Variants in GALNT18 observed in about 807,000 individuals in gnomAD.
The protein encoded by GALNT18 is GalNAc-transferase 18.
Under a neutral mutation model 69.5 loss-of-function variants are expected in GALNT18, and 44 were observed. That is an observed-to-expected ratio of 0.63 (90% CI 0.50 to 0.81). The LOEUF is 0.81. GALNT18 is among the 40% of genes least tolerant of loss of function. The pLI, the probability that GALNT18 is intolerant of heterozygous loss-of-function variation, is 0.00. For synonymous variants in GALNT18, 364 were observed against 318.2 expected (o/e 1.14, Z -1.53); for missense variants, 715 against 810.0 (o/e 0.88, Z 1.42).
rs1022454705 is a variant in GALNT18, at chr11:11,320,674, C to T, written c.1512+6412G>A. On this transcript the variant is annotated intron_variant, in intron 9 of 10. Transcript: ENST00000227756. The surrounding 1 kb of genome is among the most constrained non-coding windows in gnomAD (Gnocchi z 4.9). ...GGAAGATGACTTTGGGAAGCCTTGCCAGACAGCAGCCCCTTACCTTTCACT... is the reference window on the plus strand; with the variant it reads ...GGAAGATGACTTTGGGAAGCCTTGCTAGACAGCAGCCCCTTACCTTTCACT... Among the ~76,000 whole-genome samples the T allele has an allele frequency of 2.0e-5, 3 of 152,160 alleles. No individual in the cohort carries two copies. The highest frequency in any genetic ancestry group is 4.4e-5 in the Non-Finnish European group (3 of 68,024).
chr11:11,398,223 T>C (rs1207572614), intron 3 of GALNT18, among the ~76,000 whole-genome samples: 6 of 152,188 alleles, frequency 3.9e-5, no homozygotes, highest in Non-Finnish European at 8.8e-5. Flanking sequence ...CCAAAGCGTG[T>C]TCCTTCTGTG....
chr11:11,529,926 G>C (rs1482085101), intron 1 of GALNT18, among the ~76,000 whole-genome samples: 1 of 152,152 alleles, frequency 6.6e-6, no homozygotes, highest in Non-Finnish European at 1.5e-5. Context: ...AAACATTCCT[G>C]CATCTTTCTG....
intron 1 of GALNT18, among the ~76,000 whole-genome samples, chr11:11,610,669 A>T (rs181270125): frequency 3.0e-4 from 46 of 152,226 alleles, no homozygotes; most frequent in Non-Finnish European, 5.4e-4. Flanking sequence ...CGAGTTGGAC[A>T]TTCTATGTCA....
In GALNT18 at chr11:11,444,132, G is replaced by A. The variant is rs1855593657; in HGVS notation, c.428+4612C>T. On this transcript the variant is annotated intron_variant, in intron 2 of 10. Transcript: ENST00000227756. This position sits in a 1 kb window ranked among gnomAD's most constrained non-coding sequence, Gnocchi z 4.4. ...CTCTCCCCAGGGAAGCCGGCACAGG[G>A]AGGTGCCTTGCAGATGCCACCCTCC... is the stretch of plus-strand genomic sequence containing the variant. 6.6e-6 allele frequency among the ~76,000 whole-genome samples: 1 copy of A among 152,022 alleles called. No individual in the cohort carries two copies. The highest frequency in any genetic ancestry group is 1.5e-5 in the Non-Finnish European group (1 of 68,016).
rs1354374831 is a variant in GALNT18 at position 11,587,785 on chromosome 11, G to A, written c.235+33574C>T. ...GAGGGAAAAGTCAATGGTTGGTAAAGCCCACCCCATCTCTAGCCCCCACCC... is the reference window on the plus strand; with the variant it reads ...GAGGGAAAAGTCAATGGTTGGTAAAACCCACCCCATCTCTAGCCCCCACCC... On this transcript the variant is annotated intron_variant, in intron 1 of 10. Coordinates refer to ENST00000227756, the MANE Select transcript of GALNT18 (RefSeq NM_198516.3). The surrounding 1 kb of genome is among the most constrained non-coding windows in gnomAD (Gnocchi z 4.4). Among the ~76,000 whole-genome samples, 1 of 152,122 alleles carries A rather than the reference G, an allele frequency of 6.6e-6. No homozygotes were observed. Among genetic ancestry groups the A allele is most frequent in the Non-Finnish European group, 1.5e-5 (1 of 68,024 alleles).
At chr11:11,516,026 G>A (rs1230234094) in intron 1 of GALNT18, among the ~76,000 whole-genome samples, 1 of 152,216 alleles carries the variant, frequency 6.6e-6, no homozygotes, top group Admixed American at 6.5e-5. Context: ...TAAACAGCAG[G>A]GAAGCAGTCT....
Position 11,356,153 on chromosome 11 carries a change from C to G in GALNT18, c.1093-15149G>C, listed in dbSNP as rs972913985. On this transcript the variant is annotated intron_variant, in intron 6 of 10. Transcript: ENST00000227756. This position sits in a 1 kb window ranked among gnomAD's most constrained non-coding sequence, Gnocchi z 4.4. ...CCAAGAACATTTGTATTTGGAGATG[C>G]CCCTGACCCCTCCTTCTGCAACTTC... Among the ~76,000 whole-genome samples the G allele has an allele frequency of 3.3e-5, 5 of 152,178 alleles. No individual in the cohort carries two copies. The highest frequency in any genetic ancestry group is 1.2e-4 in the African/African-American group (5 of 41,456).
intron 6 of GALNT18, chr11:11,352,937 A>AT (rs753127120): frequency 1.2e-4 from 188 of 1,613,912 alleles, no homozygotes; most frequent in Non-Finnish European, 1.5e-4. Context: ...CTTTTTCATT[A>AT]TTTGTGATGT....
rs1221515228 is a variant in GALNT18 at position 11,538,619 on chromosome 11, T to A, written c.235+82740A>T. Among the ~76,000 whole-genome samples the A allele has an allele frequency of 1.3e-5, 2 of 152,212 alleles. No homozygotes were observed. Among genetic ancestry groups the A allele is most frequent in the Non-Finnish European group, 2.9e-5 (2 of 68,042 alleles). Reference sequence around the variant, plus strand: ...CTCGTCAGCAGCTCCTATCTGGGGATGAAGCACAGGCTGACCTGATAGTGA... The same window carrying A: ...CTCGTCAGCAGCTCCTATCTGGGGAAGAAGCACAGGCTGACCTGATAGTGA... On this transcript the variant is annotated intron_variant, in intron 1 of 10. Coordinates refer to ENST00000227756, the MANE Select transcript of GALNT18 (RefSeq NM_198516.3). The surrounding 1 kb of genome is among the most constrained non-coding windows in gnomAD (Gnocchi z 5.2).
intron 6 of GALNT18, among the ~76,000 whole-genome samples, chr11:11,362,772 G>T (rs1029380999): frequency 3.9e-5 from 6 of 152,052 alleles, no homozygotes; most frequent in African/African-American, 1.4e-4. Flanking sequence ...CCTCTGGAGG[G>T]ATATTTGATG....
At chr11:11,514,496 C>A (rs1857227424) in intron 1 of GALNT18, among the ~76,000 whole-genome samples, 1 of 152,206 alleles carries the variant, frequency 6.6e-6, no homozygotes, top group Non-Finnish European at 1.5e-5. Context: ...ATAAGAACAG[C>A]TGTTACACAG....
In GALNT18 at chr11:11,582,469, C is replaced by T. The variant is rs1015737050; in HGVS notation, c.235+38890G>A. On this transcript the variant is annotated intron_variant, in intron 1 of 10. Transcript: ENST00000227756. The surrounding 1 kb of genome is among the most constrained non-coding windows in gnomAD (Gnocchi z 5.0). ...GAGTGACTGTCTCACTTGCTTGGAC[C>T]ACTGGAATAGGAGCAGAAGTGATAA... Among the ~76,000 whole-genome samples, 4 of 152,222 alleles carry T rather than the reference C, an allele frequency of 2.6e-5. No individual in the cohort carries two copies. Among genetic ancestry groups the T allele is most frequent in the African/African-American group, 9.6e-5 (4 of 41,458 alleles).
intron 3 of GALNT18, among the ~76,000 whole-genome samples, chr11:11,390,287 G>T (rs1293593401): frequency 2.0e-5 from 3 of 152,122 alleles, no homozygotes; most frequent in Non-Finnish European, 4.4e-5. Flanking sequence ...TGCACTACCT[G>T]CTACCTCCAC....
chr11:11,359,790 A>G (rs1018700894), intron 6 of GALNT18, among the ~76,000 whole-genome samples: 10 of 152,232 alleles, frequency 6.6e-5, no homozygotes, highest in Non-Finnish European at 1.3e-4. Context: ...GAAGGTAGAG[A>G]TGGAAAAACA....
rs924547774 is a variant in GALNT18 at position 11,340,639 on chromosome 11, T to C, written c.1278+180A>G. ...GGGATTAGGGTAGCAGGATAAGAAA[T>C]GGCTTAGAGCCTCATGGCCCCTTTT... On this transcript the variant is annotated intron_variant, in intron 7 of 10. Coordinates refer to ENST00000227756, the MANE Select transcript of GALNT18 (RefSeq NM_198516.3). The surrounding 1 kb of genome is among the most constrained non-coding windows in gnomAD (Gnocchi z 4.2). Among the ~76,000 whole-genome samples the C allele has an allele frequency of 2.0e-5, 3 of 152,168 alleles. No individual in the cohort carries two copies. Among genetic ancestry groups the C allele is most frequent in the Non-Finnish European group, 4.4e-5 (3 of 68,022 alleles).
rs1027453951 is a variant in GALNT18 at position 11,470,601 on chromosome 11, C to T, written c.236-21665G>A. ...TGATCTTTTGATCTGTATATGATTC[C>T]TGTCTACTACTAAGCTAGCTGAGAT... is the stretch of plus-strand genomic sequence containing the variant. On this transcript the variant is annotated intron_variant, in intron 1 of 10. Transcript: ENST00000227756. The surrounding 1 kb of genome is among the most constrained non-coding windows in gnomAD (Gnocchi z 4.8). Among the ~76,000 whole-genome samples the T allele has an allele frequency of 3.9e-5, 6 of 152,108 alleles. No homozygotes were observed. Among genetic ancestry groups the T allele is most frequent in the Non-Finnish European group, 8.8e-5 (6 of 68,030 alleles).
chr11:11,514,921 C>T (rs1857240908), intron 1 of GALNT18, among the ~76,000 whole-genome samples: 1 of 152,154 alleles, frequency 6.6e-6, no homozygotes, highest in Non-Finnish European at 1.5e-5. Context: ...CAAAAGTGGA[C>T]CGAAACCAAG....
Position 11,293,068 on chromosome 11 carries a change from G to T in GALNT18, c.1638C>A (p.Ala546=). 3.6e-6 allele frequency: 5 copies of T among 1,389,286 alleles called. No homozygotes were observed. The highest frequency in any genetic ancestry group is 3.8e-6 in the Non-Finnish European group (4 of 1,062,902). The allele number at this position is 1,389,286 out of a possible 1,614,324, so 86.1% of individuals were successfully genotyped here. ...AGTGAAGCTTCATCCTCTTGGCTTTGGCGTAGCTGCATTCGATGAGCCGGG... is the reference window on the plus strand; with the variant it reads ...AGTGAAGCTTCATCCTCTTGGCTTTTGCGTAGCTGCATTCGATGAGCCGGG... ...SRPRLIECSY[A]KAKRMKLHWQ... is the part of the protein sequence containing the mutation. Residue 546 remains alanine, a synonymous_variant, in exon 10 of 11, where the codon GCC becomes GCA. Coordinates refer to ENST00000227756, the MANE Select transcript of GALNT18 (RefSeq NM_198516.3).
rs148527166 is a variant in GALNT18, at chr11:11,602,325, C to T, written c.235+19034G>A. On this transcript the variant is annotated intron_variant, in intron 1 of 10. Transcript: ENST00000227756. This position sits in a 1 kb window ranked among gnomAD's most constrained non-coding sequence, Gnocchi z 4.7. ...TATTCTCAACACAGGGTAAAGCTTC[C>T]ACCCTGTAAGTAGGGGCAGCCCCAG... Among the ~76,000 whole-genome samples the T allele has an allele frequency of 6.8e-3, 1,030 of 152,242 alleles. 15 individuals are homozygous for T. The highest frequency in any genetic ancestry group is 0.024 in the African/African-American group (978 of 41,534).
Sources: gnomAD v4.1 joint callset for allele counts (sites outside exome capture counted in the v4.1 genomes callset) on GRCh38, gnomAD v4.1.1 for gene constraint, Gnocchi (gnomAD v3.1) non-coding constraint, MANE v1.5 for transcripts, NCBI Gene and HGNC (gene_info 2026-07-23, HGNC 2026-07-21) for gene names.